The following KLF5 variants were observed in gnomAD, a reference collection of about 807,000 sequenced individuals.
The protein encoded by KLF5 is Krueppel-like factor 5.
KLF5 carries 9 observed loss-of-function variants against 36.9 expected under a neutral mutation model. The ratio of observed to expected loss-of-function variants is 0.24; its 90% confidence interval spans 0.15 to 0.43. The LOEUF (loss-of-function observed/expected upper bound fraction) is 0.43. KLF5 is among the 20% of genes least tolerant of loss of function. The pLI is 1.00. For synonymous variants in KLF5, 246 were observed against 241.7 expected (o/e 1.02, Z -0.17); for missense variants, 524 against 599.5 (o/e 0.87, Z 1.31).
At chr13:73,058,935 C>T (rs11843137), upstream of KLF5, 887 of 160,222 alleles carry the variant, frequency 5.5e-3, 6 homozygotes, top group African/African-American at 0.019. Flanking sequence ...CGCGGCGGCG[C>T]TGCCAATCAG....
At chr13:73,064,801 CA>C (rs1290354583) in intron 3 of KLF5, among the ~76,000 whole-genome samples, 2 of 152,182 alleles carry the variant, frequency 1.3e-5, no homozygotes, top group Admixed American at 1.3e-4. Flanking sequence ...CTCGGCCTCC[CA>C]AAGTGCTGGG....
intron 2 of KLF5, 121 bp downstream of exon 2, chr13:73,062,855 G>A: frequency 1.3e-6 from 1 of 773,986 alleles, no homozygotes; most frequent in Non-Finnish European, 2.0e-6. Flanking sequence ...GCTTTAAATA[G>A]GAAAGTTGTA....
chr13:73,066,401 CT>C (rs539506988), intron 3 of KLF5, among the ~76,000 whole-genome samples: 1 of 151,406 alleles, frequency 6.6e-6, no homozygotes, highest in African/African-American at 2.4e-5. Context: ...TATGTAATAG[CT>C]TTTTTTGGTT....
At position 73,062,446 on chromosome 13, in the gene KLF5, C is replaced by T. The variant is rs760920273; in HGVS notation, c.847C>T (p.Pro283Ser). 6.2e-6 allele frequency: 10 copies of T among 1,614,076 alleles called. No individual in the cohort carries two copies. The highest frequency in any genetic ancestry group is 1.3e-5 in the African/African-American group (1 of 74,932). Residue 283 changes from proline to serine, a missense_variant, in exon 2 of 4, where the codon CCT becomes TCT. Coordinates refer to ENST00000377687, the MANE Select transcript of KLF5 (RefSeq NM_001730.5). ...AGTGAAACAATTCCAGGGCATGCCCCCTTGCACATACACAATGCCAAGTCA... is the reference window on the plus strand; with the variant it reads ...AGTGAAACAATTCCAGGGCATGCCCTCTTGCACATACACAATGCCAAGTCA... ...TAVKQFQGMPPCTYTMPSQFL... is the reference protein window; with the variant it reads ...TAVKQFQGMPSCTYTMPSQFL...
intron 3 of KLF5, among the ~76,000 whole-genome samples, chr13:73,068,101 A>C (rs938271454): frequency 2.0e-5 from 3 of 152,042 alleles, no homozygotes; most frequent in African/African-American, 7.2e-5. Context: ...CCAGCCTCCC[A>C]AAGTGCTGGG....
chr13:73,056,338 T>C (rs2044583596), upstream of KLF5, among the ~76,000 whole-genome samples: 1 of 152,216 alleles, frequency 6.6e-6, no homozygotes, highest in African/African-American at 2.4e-5. Context: ...AGGCCACTAA[T>C]TGATTTCTGA....
intron 3 of KLF5, among the ~76,000 whole-genome samples, chr13:73,071,822 T>C (rs997535951): frequency 6.6e-6 from 1 of 152,208 alleles, no homozygotes; most frequent in African/African-American, 2.4e-5. Context: ...CTTTAAAAGT[T>C]TGGATTGTTT....
Position 73,059,180 on chromosome 13 carries a change from C to A in KLF5, c.-148C>A. 1 of 711,570 alleles carries A rather than the reference C, an allele frequency of 1.4e-6. No homozygotes were observed. Among genetic ancestry groups the A allele is most frequent in the Non-Finnish European group, 2.0e-6 (1 of 510,348 alleles). The allele number at this position is 711,570 out of a possible 1,614,324, so 44.1% of individuals were successfully genotyped here. ...GAGTTTTGCTTTTCGTGCGCGCCTT[C>A]GAAAACTGCCTGCCGCTGTCTGAGG... is the stretch of plus-strand genomic sequence containing the variant. On this transcript the variant is annotated 5_prime_UTR_variant, in exon 1 of 4. Coordinates refer to ENST00000377687, the MANE Select transcript of KLF5 (RefSeq NM_001730.5).
In KLF5 at chr13:73,066,013, G is replaced by T. The variant is rs576821330; in HGVS notation, c.1195+2130G>T. Among the ~76,000 whole-genome samples the T allele has an allele frequency of 1.1e-4, 17 of 152,272 alleles. No homozygotes were observed. In the South Asian group the frequency reaches 3.3e-3, roughly 30 times the overall value. ...GAAAAGAAGACCGAGACCTGGTTTG[G>T]GTCCCTTGCATCAGCTTTTTCACCT... On this transcript the variant is annotated intron_variant, in intron 3 of 3. Transcript: ENST00000377687.
chr13:73,058,408 T>A (rs543641582), upstream of KLF5, among the ~76,000 whole-genome samples: 17 of 152,362 alleles, frequency 1.1e-4, no homozygotes, highest in South Asian at 3.3e-3. Context: ...ATTTGCCTTG[T>A]TAAACGGATA....
intron 3 of KLF5, among the ~76,000 whole-genome samples, chr13:73,074,779 T>C (rs372733979): frequency 2.6e-5 from 4 of 152,310 alleles, no homozygotes; most frequent in African/African-American, 9.6e-5. Context: ...ATGGGTAGGT[T>C]GAACAATTTC....
At chr13:73,057,941 A>G (rs1263942750), upstream of KLF5, among the ~76,000 whole-genome samples, 5 of 152,250 alleles carry the variant, frequency 3.3e-5, no homozygotes, top group East Asian at 9.6e-4. Flanking sequence ...ATGGATGGTA[A>G]TATATTTGGC....
chr13:73,075,819 G>A lies in KLF5; in HGVS notation c.1307G>A (p.Gly436Glu), dbSNP rs1566567595. 2 of 1,612,618 alleles carry A rather than the reference G, an allele frequency of 1.2e-6. No individual in the cohort carries two copies. Residue 436 changes from glycine (G) to glutamate (E), a missense_variant, in exon 4 of 4, where the codon GGG becomes GAG. Around this residue, in one of 4 missense-constraint regions of KLF5, gnomAD observed 20 missense variants for 16.1 expected, o/e 1.24. Transcript: ENST00000377687. ...ACAGGCGCCAAGCCCTTCCAGTGCGGGGTGTGCAACCGCAGCTTCTCGCGC... is the reference window on the plus strand; with the variant it reads ...ACAGGCGCCAAGCCCTTCCAGTGCGAGGTGTGCAACCGCAGCTTCTCGCGC... ...KHTGAKPFQCGVCNRSFSRSD... is the reference protein window; with the variant it reads ...KHTGAKPFQCEVCNRSFSRSD...
rs922458928 is a variant in KLF5, at chr13:73,076,501, CAT to C, written c.*617_*618del. ...TTTTAGGATTCTTTTGGGGAAGAGT[CAT>C]AATTCTTTTGAAAATAACCATGAAT... On this transcript the variant is annotated 3_prime_UTR_variant, in exon 4 of 4. Transcript: ENST00000377687. 1.3e-5 allele frequency: 2 copies of C among 152,482 alleles called. No individual in the cohort carries two copies. Among genetic ancestry groups the C allele is most frequent in the African/African-American group, 2.4e-5 (1 of 41,362 alleles). The allele number at this position is 152,482 out of a possible 1,614,324, so 9.4% of individuals were successfully genotyped here.
Position 73,059,449 on chromosome 13 carries a change from G to C in KLF5, c.122G>C (p.Arg41Pro). Residue 41 changes from arginine (R) to proline (P), a missense_variant, in exon 1 of 4, where the codon CGC (arginine) becomes CCC (proline). Arg to Pro is a moderately radical substitution (Grantham distance 103). Coordinates refer to ENST00000377687, the MANE Select transcript of KLF5 (RefSeq NM_001730.5). ...GTGCTGGGCGCCGCGAATCCGGCCC[G>C]CGACGCGGCGCTCTTCCCCGGCGAG... ...KPVLGAANPA[R>P]DAALFPGEEL... is the part of the protein sequence containing the mutation. The C allele has an allele frequency of 7.8e-7, 1 of 1,281,524 alleles. No homozygotes were observed. Among genetic ancestry groups the C allele is most frequent in the Non-Finnish European group, 9.9e-7 (1 of 1,014,702 alleles). The allele number at this position is 1,281,524 out of a possible 1,614,324, so 79.4% of individuals were successfully genotyped here.
Position 73,062,643 on chromosome 13 carries a change from A to T in KLF5, c.1044A>T (p.Pro348=), listed in dbSNP as rs764014262. The change falls in exon 2 of 4, where the codon CCA becomes CCT. Residue 348 remains proline (P), a synonymous_variant. Transcript: ENST00000377687. ...ATCCAAATTTACCCACCACCCTGCC[A>T]GTTAACTCACAAAACATCCAACCTG... The part of the protein sequence containing the change: ...IHNPNLPTTL[P]VNSQNIQPVR... 1 of 1,614,190 alleles carries T rather than the reference A, an allele frequency of 6.2e-7. No individual in the cohort carries two copies. Among genetic ancestry groups the T allele is most frequent in the Admixed American group, 1.7e-5 (1 of 60,024 alleles).
chr13:73,075,840 C>T lies in KLF5; in HGVS notation c.1328C>T (p.Ser443Leu). 1.9e-6 allele frequency: 3 copies of T among 1,610,174 alleles called. No individual in the cohort carries two copies. The highest frequency in any genetic ancestry group is 2.5e-6 in the Non-Finnish European group (3 of 1,176,776). ...FQCGVCNRSFSRSDHLALHMK... is the reference protein window; with the variant it reads ...FQCGVCNRSFLRSDHLALHMK... Reference sequence around the variant, plus strand: ...TGCGGGGTGTGCAACCGCAGCTTCTCGCGCTCTGACCACCTGGCCCTGCAT... The same window carrying T: ...TGCGGGGTGTGCAACCGCAGCTTCTTGCGCTCTGACCACCTGGCCCTGCAT... Residue 443 changes from serine to leucine, a missense_variant, in exon 4 of 4, where the codon TCG (serine) becomes TTG (leucine). Physicochemically the swap from Ser to Leu is moderately radical, Grantham distance 145. Transcript: ENST00000377687.
chr13:73,061,765 C>A, intron 1 of KLF5, 96 bp from the exon 2 acceptor site: 1 of 1,153,312 alleles, frequency 8.7e-7, no homozygotes, highest in Non-Finnish European at 1.3e-6. Flanking sequence ...GTACCTTACA[C>A]AGGGATTGGG....
At chr13:73,072,877 A>G (rs560354122) in intron 3 of KLF5, among the ~76,000 whole-genome samples, 8 of 152,348 alleles carry the variant, frequency 5.3e-5, no homozygotes, top group Middle Eastern at 3.4e-3. Flanking sequence ...ATACTCCTGT[A>G]ATTTAAAAAC....
Sources: gnomAD v4.1 joint callset for allele counts (sites outside exome capture counted in the v4.1 genomes callset) on GRCh38, gnomAD v4.1.1 for gene constraint, gnomAD v4.1.1 regional missense constraint, MANE v1.5 for transcripts, NCBI Gene and HGNC (gene_info 2026-07-23, HGNC 2026-07-21) for gene names.